Variants in TNIK observed in about 807,000 individuals in gnomAD.
TNIK encodes TRAF2 and NCK interacting kinase, also known as TRAF2 and NCK-interacting protein kinase.
TNIK carries 49 observed loss-of-function variants against 191.3 expected under a neutral mutation model. That is an observed-to-expected ratio of 0.26 (90% CI 0.20 to 0.32). The LOEUF (loss-of-function observed/expected upper bound fraction) is 0.32. Ranked by LOEUF, TNIK falls within the 10% of genes least tolerant of loss-of-function variation. TNIK has a pLI of 1.00. For missense variants in TNIK, 1,155 were observed against 1,702.3 expected (o/e 0.68, Z 5.66); for synonymous variants, 594 against 600.9 (o/e 0.99, Z 0.17).
chr3:171,181,321 T>C (rs1333761721), intron 7 of TNIK, among the ~76,000 whole-genome samples: 2 of 152,232 alleles, frequency 1.3e-5, no homozygotes, highest in Non-Finnish European at 1.5e-5. Flanking sequence ...GGCTCAAGAA[T>C]ATTGATTTCC....
chr3:171,411,198 G>A (rs568068064), intron 1 of TNIK, among the ~76,000 whole-genome samples: 1 of 152,020 alleles, frequency 6.6e-6, no homozygotes, highest in Non-Finnish European at 1.5e-5. Context: ...CTCTCAAGGA[G>A]CTGGGACTAC....
intron 4 of TNIK, among the ~76,000 whole-genome samples, chr3:171,206,690 G>A (rs1740136734): frequency 1.3e-5 from 2 of 152,054 alleles, no homozygotes; most frequent in African/African-American, 2.4e-5. Flanking sequence ...CCACTAATGA[G>A]TTTTGAGGCC....
chr3:171,446,168 C>T (rs1727467203), intron 1 of TNIK, among the ~76,000 whole-genome samples: 1 of 152,162 alleles, frequency 6.6e-6, no homozygotes, highest in South Asian at 2.1e-4. Context: ...TTTCTCATGA[C>T]CCTGTCCTGA....
chr3:171,283,109 C>A (rs1012055794), intron 2 of TNIK, among the ~76,000 whole-genome samples: 1 of 151,056 alleles, frequency 6.6e-6, no homozygotes, highest in Non-Finnish European at 1.5e-5. Context: ...GGATATTTTC[C>A]ACAGTTTCTT....
chr3:171,092,118 TTTTTTA>T (rs1722155251), intron 23 of TNIK, among the ~76,000 whole-genome samples: 1 of 151,900 alleles, frequency 6.6e-6, no homozygotes, highest in Non-Finnish European at 1.5e-5. Flanking sequence ...CCTGGCTAAT[TTTTTTA>T]TTTTTAGTAG....
intron 1 of TNIK, among the ~76,000 whole-genome samples, chr3:171,459,700 A>ACACACACACG (rs1012502406): frequency 1.1e-4 from 16 of 151,798 alleles, no homozygotes; most frequent in South Asian, 6.3e-4. Context: ...ACACACACAC[A>ACACACACACG]CACGCACACA....
chr3:171,274,170 A>G (rs983267662), intron 2 of TNIK, among the ~76,000 whole-genome samples: 2 of 152,224 alleles, frequency 1.3e-5, no homozygotes, highest in African/African-American at 2.4e-5. Flanking sequence ...ATACAAGGAA[A>G]ACGCTTAACA....
chr3:171,223,473 A>G (rs1042532019), intron 3 of TNIK, among the ~76,000 whole-genome samples: 3 of 152,222 alleles, frequency 2.0e-5, no homozygotes, highest in Non-Finnish European at 2.9e-5. Context: ...TGAAAAAAGA[A>G]TCACATGAAA....
intron 2 of TNIK, among the ~76,000 whole-genome samples, chr3:171,341,829 C>T (rs1757567246): frequency 1.3e-5 from 2 of 152,044 alleles, no homozygotes; most frequent in South Asian, 2.1e-4. Flanking sequence ...CTGTTGAATC[C>T]ACCATCTTAT....
At position 171,060,721 on chromosome 3, in the gene TNIK, A is replaced by G. The variant is rs939828087; in HGVS notation, c.*3160T>C. ...GGGAAGAGCCTCATTATTTGAAGGAACTTCACTGGTCATCCATTCCTACCA... is the reference window on the plus strand; with the variant it reads ...GGGAAGAGCCTCATTATTTGAAGGAGCTTCACTGGTCATCCATTCCTACCA... On this transcript the variant is annotated 3_prime_UTR_variant, in exon 33 of 33. Coordinates refer to ENST00000436636, the MANE Select transcript of TNIK (RefSeq NM_015028.4). Among the ~76,000 whole-genome samples, 30 of 152,118 alleles carry G rather than the reference A, an allele frequency of 2.0e-4. No individual in the cohort carries two copies. Among genetic ancestry groups the G allele is most frequent in the African/African-American group, 7.2e-4 (30 of 41,408 alleles).
At chr3:171,448,569 C>CTT (rs79607104) in intron 1 of TNIK, among the ~76,000 whole-genome samples, 9,422 of 126,294 alleles carry the variant, frequency 0.075, 419 homozygotes, top group South Asian at 0.14. Context: ...TTCATGTACA[C>CTT]TTTTTTTTTT....
At chr3:171,352,601 A>G (rs754698474) in intron 2 of TNIK, among the ~76,000 whole-genome samples, 28 of 152,196 alleles carry the variant, frequency 1.8e-4, no homozygotes, top group Non-Finnish European at 1.3e-4. Flanking sequence ...GTACAGTTTA[A>G]TGAACCAAGT....
At chr3:171,102,910 A>G (rs7629592) in intron 21 of TNIK, among the ~76,000 whole-genome samples, 8,672 of 152,214 alleles carry the variant, frequency 0.057, 839 homozygotes, top group African/African-American at 0.2. Context: ...ACAACAAAAC[A>G]TTGTTTCTCT....
At chr3:171,337,527 A>G (rs2108388056) in intron 2 of TNIK, among the ~76,000 whole-genome samples, 1 of 152,328 alleles carries the variant, frequency 6.6e-6, no homozygotes, top group East Asian at 1.9e-4. Context: ...TTACAATGCC[A>G]TATTTCATTC....
Position 171,167,368 on chromosome 3 carries a change from G to A in TNIK, c.774-98C>T, listed in dbSNP as rs1346704995. 5.6e-6 allele frequency: 8 copies of A among 1,440,614 alleles called. No individual in the cohort carries two copies. The Admixed American group carries it at 1.8e-4, about 32-fold the overall frequency. The allele number at this position is 1,440,614 out of a possible 1,614,324, so 89.2% of individuals were successfully genotyped here. ...TGCTGGGACTTTTTCTTTTTTTAAG[G>A]TCCAATTGGCTGGCATAGGGATCAT... On this transcript the variant is annotated intron_variant, in intron 9 of 32. Transcript: ENST00000436636.
chr3:171,314,806 G>A (rs1754425681), intron 2 of TNIK, among the ~76,000 whole-genome samples: 1 of 152,120 alleles, frequency 6.6e-6, no homozygotes, highest in African/African-American at 2.4e-5. Flanking sequence ...AATCTAGAGT[G>A]AGGAGAAGGA....
rs1200982753 is a variant in TNIK at position 171,123,581 on chromosome 3, A to ACCTT, written c.2120+11_2120+14dup. 6 of 1,529,430 alleles carry ACCTT rather than the reference A, an allele frequency of 3.9e-6. No individual in the cohort carries two copies. In the African/African-American group the frequency reaches 8.3e-5, roughly 21 times the overall value. 94.7% of individuals were successfully genotyped at this position (1,529,430 alleles called of 1,614,324 possible). A position where few individuals can be genotyped will look rare whatever the true frequency, so the allele number is the denominator to read the frequency against. ...AGGAGTTTCTTCTTTTACCATAACC[A>ACCTT]CCTTCCTTTCTTACCTTGCTCTGAT... On this transcript the variant is annotated intron_variant, in intron 18 of 32. Coordinates refer to ENST00000436636, the MANE Select transcript of TNIK (RefSeq NM_015028.4).
In TNIK at chr3:171,372,612, C is replaced by T. The variant is rs540756609; in HGVS notation, c.58-2927G>A. ...AGCATCAGGACTTTGCATCCCATCT[C>T]CATTGACTAGTCACTGCATGTGGGA... On this transcript the variant is annotated intron_variant, in intron 1 of 32. Coordinates refer to ENST00000436636, the MANE Select transcript of TNIK (RefSeq NM_015028.4). Among the ~76,000 whole-genome samples, 8 of 152,328 alleles carry T rather than the reference C, an allele frequency of 5.3e-5. No individual in the cohort carries two copies. In the South Asian group the frequency reaches 1.7e-3, roughly 32 times the overall value.
chr3:171,283,200 A>G (rs1480307207), intron 2 of TNIK, among the ~76,000 whole-genome samples: 1 of 151,172 alleles, frequency 6.6e-6, no homozygotes, highest in African/African-American at 2.4e-5. Context: ...TTAGCAACTG[A>G]CCAAATACTC....
Sources: allele counts gnomAD v4.1 joint callset (sites outside exome capture counted in the v4.1 genomes callset), GRCh38; gene constraint gnomAD v4.1.1; transcripts MANE v1.5; gene names NCBI Gene and HGNC (gene_info 2026-07-23, HGNC 2026-07-21).